Variants in PALM3 observed in about 807,000 individuals in gnomAD.
PALM3 encodes paralemmin-3.
PALM3 carries 20 observed loss-of-function variants against 27.9 expected under a neutral mutation model. That is an observed-to-expected ratio of 0.72 (90% CI 0.50 to 1.04). The LOEUF is 1.04. PALM3 is among the 50% of genes least tolerant of loss of function. PALM3 has a pLI of 0.00. For synonymous variants in PALM3, 328 were observed against 352.7 expected (o/e 0.93, Z 0.79); for missense variants, 814 against 869.4 (o/e 0.94, Z 0.80).
chr19:14,054,501 G>A lies in PALM3; in HGVS notation c.1171C>T (p.Pro391Ser), dbSNP rs1190477556. 1.9e-6 allele frequency: 3 copies of A among 1,550,946 alleles called. No individual in the cohort carries two copies. The highest frequency in any genetic ancestry group is 2.6e-6 in the Non-Finnish European group (3 of 1,146,690). The change falls in exon 7 of 7, where the codon CCG becomes TCG. Residue 391 changes from proline to serine, a missense_variant. Coordinates refer to ENST00000669674, the MANE Select transcript of PALM3 (RefSeq NM_001145028.2). ...GTCTTGGCCCCCTCGGCCCCCAGCG[G>A]GCTTTCATCTCCTCTCTCCCTCCCT... ...VAGRERGDES[P>S]LGAEGAKTGG...
chr19:14,062,067 T>G lies in PALM3; in HGVS notation c.-87A>C. ...GGTGCCCCGGAGGCTGTGACTTGGCTGCCTGGAGTGGGGGGGGGCTGCGGG... is the reference window on the plus strand; with the variant it reads ...GGTGCCCCGGAGGCTGTGACTTGGCGGCCTGGAGTGGGGGGGGGCTGCGGG... On this transcript the variant is annotated 5_prime_UTR_variant, in exon 1 of 7. Coordinates refer to ENST00000669674, the MANE Select transcript of PALM3 (RefSeq NM_001145028.2). 1.2e-6 allele frequency: 1 copy of G among 857,582 alleles called. No homozygotes were observed. Among genetic ancestry groups the G allele is most frequent in the Non-Finnish European group, 1.4e-6 (1 of 712,774 alleles). 53.1% of individuals were successfully genotyped at this position (857,582 alleles called of 1,614,324 possible). A position where few individuals can be genotyped will look rare whatever the true frequency, so the allele number is the denominator to read the frequency against.
chr19:14,061,196 G>C lies in PALM3; in HGVS notation c.41+744C>G, dbSNP rs79198362. Among the ~76,000 whole-genome samples, 463 of 152,212 alleles carry C rather than the reference G, an allele frequency of 3.0e-3. 7 individuals carry two copies. In the South Asian group the frequency reaches 0.043, roughly 14 times the overall value. ...GTAATCTCCCTGCCTCTTCCTTGCT[G>C]GGGGGGATCGGGTTCCCATTGCTAA... On this transcript the variant is annotated intron_variant, in intron 1 of 6. Transcript: ENST00000669674.
rs750739922 is a variant in PALM3 at position 14,054,883 on chromosome 19, C to T, written c.789G>A (p.Val263=). ...CCTTCCTGTCTCCGATGGCTTCCAGCACCACTTCCTCCACCTTAGCCTCCA... is the reference window on the plus strand; with the variant it reads ...CCTTCCTGTCTCCGATGGCTTCCAGTACCACTTCCTCCACCTTAGCCTCCA... ...PELEAKVEEV[V]LEAIGDRKGA... Residue 263 remains valine (V), a synonymous_variant, in exon 7 of 7, where the codon GTG becomes GTA. Coordinates refer to ENST00000669674, the MANE Select transcript of PALM3 (RefSeq NM_001145028.2). The T allele has an allele frequency of 5.8e-6, 9 of 1,549,370 alleles. No individual in the cohort carries two copies. The Middle Eastern group carries it at 1.2e-3, about 201-fold the overall frequency.
Position 14,054,471 on chromosome 19 carries a change from C to T in PALM3, c.1201G>A (p.Gly401Arg), listed in dbSNP as rs1216020885. Residue 401 changes from glycine (G) to arginine (R), a missense_variant, in exon 7 of 7, where the codon GGA becomes AGA. By Grantham distance (125) the Gly-to-Arg change is moderately radical (BLOSUM62 -2). Coordinates refer to ENST00000669674, the MANE Select transcript of PALM3 (RefSeq NM_001145028.2). ...TCTGCCTCCCAGGTCTCCTCGCCTCCTCCCGTCTTGGCCCCCTCGGCCCCC... is the reference window on the plus strand; with the variant it reads ...TCTGCCTCCCAGGTCTCCTCGCCTCTTCCCGTCTTGGCCCCCTCGGCCCCC... ...PLGAEGAKTG[G>R]GEETWEAEKR... The T allele has an allele frequency of 6.4e-7, 1 of 1,551,598 alleles. No individual in the cohort carries two copies. The highest frequency in any genetic ancestry group is 8.7e-7 in the Non-Finnish European group (1 of 1,146,880).
chr19:14,053,641 A>C lies in PALM3; in HGVS notation c.2031T>G (p.Pro677=). The change falls in exon 7 of 7, where the codon CCT becomes CCG. Residue 677 remains proline (P), a synonymous_variant. Transcript: ENST00000669674. Reference sequence around the variant, plus strand: ...CACAACACTGGCACGTCTTTTGCTTAGGGCCACTTGCCTCTTCACCCTCGG... The same window carrying C: ...CACAACACTGGCACGTCTTTTGCTTCGGGCCACTTGCCTCTTCACCCTCGG... ...APTEGEEASG[P]KQKTCQCCAV... 1 of 1,464,842 alleles carries C rather than the reference A, an allele frequency of 6.8e-7. No individual in the cohort carries two copies. The highest frequency in any genetic ancestry group is 9.0e-7 in the Non-Finnish European group (1 of 1,108,450). The allele number at this position is 1,464,842 out of a possible 1,614,324, so 90.7% of individuals were successfully genotyped here. A position where few individuals can be genotyped will look rare whatever the true frequency, so the allele number is the denominator to read the frequency against.
At chr19:14,059,994 G>C (rs1056086053) in intron 1 of PALM3, among the ~76,000 whole-genome samples, 1 of 152,114 alleles carries the variant, frequency 6.6e-6, no homozygotes, top group Non-Finnish European at 1.5e-5. Context: ...GAGGGTGACT[G>C]TCATACTGCA....
Position 14,056,947 on chromosome 19 carries a change from C to T in PALM3, c.172-143G>A. 3.6e-6 allele frequency: 3 copies of T among 829,226 alleles called. No individual in the cohort carries two copies. In the Admixed American group the frequency reaches 8.9e-5, roughly 25 times the overall value. 51.4% of individuals were successfully genotyped at this position (829,226 alleles called of 1,614,324 possible). Reference sequence around the variant, plus strand: ...ACATACATCAGGCTGGGATACATGGCCACAGTGCCCCCCAACGCTGCAAGT... The same window carrying T: ...ACATACATCAGGCTGGGATACATGGTCACAGTGCCCCCCAACGCTGCAAGT... On this transcript the variant is annotated intron_variant, in intron 3 of 6. Coordinates refer to ENST00000669674, the MANE Select transcript of PALM3 (RefSeq NM_001145028.2).
chr19:14,055,182 C>A lies in PALM3; in HGVS notation c.490G>T (p.Val164Leu). ...GAGGGGGACTCTGGAGGCGTGCCCA[C>A]TAGTCCAGCCGGCAGGGAGGCTCTC... Reference protein sequence around the residue: ...NKRASLPAGLVGTPPESPSEP... With the variant: ...NKRASLPAGLLGTPPESPSEP... Residue 164 changes from valine (V) to leucine (L), a missense_variant, in exon 7 of 7, where the codon GTG becomes TTG. By Grantham distance (32) the Val-to-Leu change is conservative (BLOSUM62 1). Coordinates refer to ENST00000669674, the MANE Select transcript of PALM3 (RefSeq NM_001145028.2). 6.5e-7 allele frequency: 1 copy of A among 1,543,096 alleles called. No individual in the cohort carries two copies. Among genetic ancestry groups the A allele is most frequent in the South Asian group, 1.2e-5 (1 of 82,894 alleles).
rs1599309241 is a variant in PALM3, at chr19:14,056,965, C to T, written c.172-161G>A. The T allele has an allele frequency of 1.1e-5, 8 of 736,338 alleles. No homozygotes were observed. The East Asian group carries it at 2.2e-4, about 20-fold the overall frequency. The allele number at this position is 736,338 out of a possible 1,614,324, so 45.6% of individuals were successfully genotyped here. On this transcript the variant is annotated intron_variant, in intron 3 of 6. Transcript: ENST00000669674. ...TACATGGCCACAGTGCCCCCCAACG[C>T]TGCAAGTGGGCAGACATCCCTTGTT...
chr19:14,057,798 A>G (rs1335851329), intron 2 of PALM3, among the ~76,000 whole-genome samples: 1 of 151,968 alleles, frequency 6.6e-6, no homozygotes, highest in Non-Finnish European at 1.5e-5. Flanking sequence ...TACGAGGTTA[A>G]GAGAAATGGG....
At chr19:14,055,338 T>G in intron 6 of PALM3, 42 bp downstream of exon 6, 1 of 1,539,140 alleles carries the variant, frequency 6.5e-7, no homozygotes, top group Non-Finnish European at 8.7e-7. Context: ...ACCCAGGCTC[T>G]GGGGTGACCT....
At chr19:14,061,280 G>A (rs1351515667) in intron 1 of PALM3, among the ~76,000 whole-genome samples, 1 of 152,164 alleles carries the variant, frequency 6.6e-6, no homozygotes, top group East Asian at 1.9e-4. Flanking sequence ...GTGAGGAACC[G>A]AATTGGGGTC....
At position 14,054,703 on chromosome 19, in the gene PALM3, C is replaced by T; in HGVS notation, c.969G>A (p.Glu323=). ...CTATGGAAGCTGCTGCCTCTAATCT[C>T]TCCTGGAGCCTAGGCGAGCTAGTCT... ...VVQTSSPRLQ[E]RLEAAASIEG... Residue 323 remains glutamate (E), a synonymous_variant, in exon 7 of 7, where the codon GAG becomes GAA. Transcript: ENST00000669674. 1 of 1,551,674 alleles carries T rather than the reference C, an allele frequency of 6.4e-7. No individual in the cohort carries two copies. The highest frequency in any genetic ancestry group is 1.7e-4 in the Middle Eastern group (1 of 5,990).
At position 14,054,838 on chromosome 19, in the gene PALM3, G is replaced by A. The variant is rs1458618865; in HGVS notation, c.834C>T (p.Leu278=). 1.9e-6 allele frequency: 3 copies of A among 1,548,870 alleles called. No homozygotes were observed. The highest frequency in any genetic ancestry group is 2.6e-6 in the Non-Finnish European group (3 of 1,145,920). The change falls in exon 7 of 7, where the codon CTC becomes CTT. Residue 278 remains leucine (L), a synonymous_variant. Coordinates refer to ENST00000669674, the MANE Select transcript of PALM3 (RefSeq NM_001145028.2). ...GDRKGAGSLE[L]PAWVKEDRGI... ...CCCTGTCCTCCTTCACCCAGGCCGGGAGCTCCAGGCTACCAGCTCCCTTCC... is the reference window on the plus strand; with the variant it reads ...CCCTGTCCTCCTTCACCCAGGCCGGAAGCTCCAGGCTACCAGCTCCCTTCC...
Position 14,057,360 on chromosome 19 carries a change from C to T in PALM3, c.162G>A (p.Glu54=), listed in dbSNP as rs1450914037. The change falls in exon 3 of 7, where the codon GAG becomes GAA. Residue 54 remains glutamate (E), a synonymous_variant. Transcript: ENST00000669674. ...REVEEEKLRV[E]RLKRKSLRER... is the part of the protein sequence containing the mutation. ...CCCGCCCGCCCCCAACCTTGAGACG[C>T]TCCACGCGGAGTTTCTCCTCCTCCA... 17 of 1,545,022 alleles carry T rather than the reference C, an allele frequency of 1.1e-5. No individual in the cohort carries two copies. Among genetic ancestry groups the T allele is most frequent in the East Asian group, 9.9e-5 (4 of 40,336 alleles).
rs189106911 is a variant in PALM3, at chr19:14,055,159, G to C, written c.513C>G (p.Pro171=). 1.5e-3 allele frequency: 2,265 copies of C among 1,548,580 alleles called. 28 individuals are homozygous for C. The African/African-American group carries it at 0.027, about 19-fold the overall frequency. Residue 171 remains proline, a synonymous_variant, in exon 7 of 7, where the codon CCC becomes CCG. Transcript: ENST00000669674. The part of the protein sequence containing the change: ...AGLVGTPPES[P]SEPREDVLGF... The stretch of plus-strand genomic sequence containing the variant: ...CCAAGACATCCTCCCTGGGCTCAGA[G>C]GGGGACTCTGGAGGCGTGCCCACTA...
intron 1 of PALM3, among the ~76,000 whole-genome samples, chr19:14,060,825 A>G (rs1282290295): frequency 6.6e-6 from 1 of 152,024 alleles, no homozygotes; most frequent in Non-Finnish European, 1.5e-5. Context: ...CAATGGCTCA[A>G]TCTCAGCTCA....
In PALM3 at chr19:14,057,447, C is replaced by G; in HGVS notation, c.91-16G>C. Reference sequence around the variant, plus strand: ...GCCGCTTCTCCTGCGCACAGAGGACCCGGAGCTGCCCGCCGGCCGGGCGCG... The same window carrying G: ...GCCGCTTCTCCTGCGCACAGAGGACGCGGAGCTGCCCGCCGGCCGGGCGCG... On this transcript the variant is annotated splice_polypyrimidine_tract_variant and intron_variant, in intron 2 of 6. Coordinates refer to ENST00000669674, the MANE Select transcript of PALM3 (RefSeq NM_001145028.2). 1 of 1,514,108 alleles carries G rather than the reference C, an allele frequency of 6.6e-7. No individual in the cohort carries two copies. Among genetic ancestry groups the G allele is most frequent in the Non-Finnish European group, 8.8e-7 (1 of 1,130,320 alleles). 93.8% of individuals were successfully genotyped at this position (1,514,108 alleles called of 1,614,324 possible). A position where few individuals can be genotyped will look rare whatever the true frequency, so the allele number is the denominator to read the frequency against.
intron 4 of PALM3, 21 bp from the exon 5 acceptor site, chr19:14,056,534 C>A: frequency 6.5e-7 from 1 of 1,549,708 alleles, no homozygotes; most frequent in Admixed American, 2.0e-5. Context: ...GAGAGGGCTG[C>A]TAGGAGCTGG....
Sources: allele counts gnomAD v4.1 joint callset (sites outside exome capture counted in the v4.1 genomes callset), GRCh38; gene constraint gnomAD v4.1.1; transcripts MANE v1.5; gene names NCBI Gene and HGNC (gene_info 2026-07-23, HGNC 2026-07-21).